WASF2: variants seen among roughly 807,000 people sequenced by gnomAD.
The protein encoded by WASF2 is actin-binding protein WASF2.
A neutral mutation model predicts 45.0 loss-of-function variants in WASF2; 14 were observed. The observed-to-expected ratio is 0.31, with a 90% CI of 0.21 to 0.49. The LOEUF (loss-of-function observed/expected upper bound fraction) is 0.49. WASF2 is among the 20% of genes least tolerant of loss of function. The pLI, the probability that WASF2 is intolerant of heterozygous loss-of-function variation, is 0.99. For synonymous variants in WASF2, 200 were observed against 236.3 expected (o/e 0.85, Z 1.41); for missense variants, 439 against 636.1 (o/e 0.69, Z 3.33).
rs1272744703 is a variant in WASF2, at chr1:27,490,139, C to T, written c.-197G>A. The stretch of plus-strand genomic sequence containing the variant: ...CCAGCCGCGCTCGCCCTGCCTGTGT[C>T]CGCCATTACGCGATTCCCCGCCCTG... On this transcript the variant is annotated 5_prime_UTR_variant, in exon 1 of 9. Coordinates refer to ENST00000618852, the MANE Select transcript of WASF2 (RefSeq NM_006990.5). The T allele has an allele frequency of 1.3e-5, 2 of 152,416 alleles. No homozygotes were observed. Among genetic ancestry groups the T allele is most frequent in the Non-Finnish European group, 2.9e-5 (2 of 68,158 alleles). The allele number at this position is 152,416 out of a possible 1,614,324, so 9.4% of individuals were successfully genotyped here. A position where few individuals can be genotyped will look rare whatever the true frequency, so the allele number is the denominator to read the frequency against.
chr1:27,418,893 G>GA (rs1419096330), intron 3 of WASF2, 61 bp downstream of exon 3: 7 of 1,545,764 alleles, frequency 4.5e-6, no homozygotes, highest in Non-Finnish European at 4.4e-6. Context: ...ATAAATCAGG[G>GA]AAAAAAAATT....
At chr1:27,473,843 G>A (rs1399609192) in intron 1 of WASF2, among the ~76,000 whole-genome samples, 4 of 152,310 alleles carry the variant, frequency 2.6e-5, no homozygotes, top group East Asian at 1.9e-4. Context: ...ATGGGTGGCC[G>A]GAGCCTGTCC....
At chr1:27,486,964 A>T (rs1184007911) in intron 1 of WASF2, among the ~76,000 whole-genome samples, 1 of 147,822 alleles carries the variant, frequency 6.8e-6, no homozygotes, top group Non-Finnish European at 1.5e-5. Flanking sequence ...ATTATAGATG[A>T]TATATATTAT....
At chr1:27,429,796 T>C (rs1371734506) in intron 1 of WASF2, among the ~76,000 whole-genome samples, 4 of 150,780 alleles carry the variant, frequency 2.7e-5, no homozygotes, top group Admixed American at 2.0e-4. Flanking sequence ...AAAAAAAGTA[T>C]AGCTAACTAC....
At chr1:27,487,496 ATAT>A (rs1480854738) in intron 1 of WASF2, among the ~76,000 whole-genome samples, 164 of 96,438 alleles carry the variant, frequency 1.7e-3, no homozygotes, top group Non-Finnish European at 2.2e-3. Context: ...ATATTATATA[ATAT>A]TATAATATAT....
At chr1:27,445,278 TCAGAA>T (rs2017296362) in intron 1 of WASF2, among the ~76,000 whole-genome samples, 1 of 152,154 alleles carries the variant, frequency 6.6e-6, no homozygotes, top group African/African-American at 2.4e-5. Context: ...ATTTTACAGA[TCAGAA>T]AACTAAAACC....
At chr1:27,412,047 T>C (rs754450864) in intron 7 of WASF2, among the ~76,000 whole-genome samples, 7 of 152,234 alleles carry the variant, frequency 4.6e-5, no homozygotes, top group Non-Finnish European at 1.0e-4. Context: ...TTGACCCCTC[T>C]GTGCCTCAGT....
intron 1 of WASF2, among the ~76,000 whole-genome samples, chr1:27,458,130 C>A (rs1390107456): frequency 6.6e-6 from 1 of 151,362 alleles, no homozygotes; most frequent in Non-Finnish European, 1.5e-5. Flanking sequence ...GGTAACACAG[C>A]GAAACTCTGT....
chr1:27,448,263 T>A (rs1268195418), intron 1 of WASF2, among the ~76,000 whole-genome samples: 1 of 152,228 alleles, frequency 6.6e-6, no homozygotes, highest in East Asian at 1.9e-4. Context: ...CATGGGGGCT[T>A]GACATTACTC....
At chr1:27,480,372 C>T (rs1426323326) in intron 1 of WASF2, among the ~76,000 whole-genome samples, 3 of 151,814 alleles carry the variant, frequency 2.0e-5, no homozygotes, top group Non-Finnish European at 4.4e-5. Context: ...CAAAAATTAG[C>T]CGAGTATGGT....
At chr1:27,468,874 G>T (rs931276547) in intron 1 of WASF2, among the ~76,000 whole-genome samples, 3 of 145,746 alleles carry the variant, frequency 2.1e-5, no homozygotes, top group Non-Finnish European at 4.5e-5. Context: ...AATGGGCTGA[G>T]ATCGCGCCAC....
At chr1:27,416,887 A>G (rs895741800) in intron 4 of WASF2, among the ~76,000 whole-genome samples, 7 of 152,228 alleles carry the variant, frequency 4.6e-5, no homozygotes, top group African/African-American at 1.7e-4. Context: ...AGGTCCTCTC[A>G]CTATCCAGAA....
In WASF2 at chr1:27,487,637, ATATATAT is replaced by A. The variant is rs1302766876; in HGVS notation, c.-44+2342_-44+2348del. Among the ~76,000 whole-genome samples, 6 of 80,854 alleles carry A rather than the reference ATATATAT, an allele frequency of 7.4e-5. No individual in the cohort carries two copies. In the South Asian group the frequency reaches 1.0e-3, roughly 13 times the overall value. The allele number at this position is 80,854 out of a possible 152,430, so 53.0% of individuals were successfully genotyped here. On this transcript the variant is annotated intron_variant, in intron 1 of 8. Coordinates refer to ENST00000618852, the MANE Select transcript of WASF2 (RefSeq NM_006990.5). The stretch of plus-strand genomic sequence containing the variant: ...TTATATATATTTTATACAATATATA[ATATATAT>A]TATATATTATATAATATATATTATA...
intron 1 of WASF2, among the ~76,000 whole-genome samples, chr1:27,454,173 ATATATATATATATATTTTT>A (rs1557612339): frequency 4.5e-3 from 281 of 62,276 alleles, no homozygotes; most frequent in African/African-American, 0.011. Flanking sequence ...ATATATATAT[ATATATATATATATATTTTT>A]TTTTTTTTTT....
chr1:27,484,729 G>A (rs888968109), intron 1 of WASF2, among the ~76,000 whole-genome samples: 2 of 149,322 alleles, frequency 1.3e-5, no homozygotes, highest in African/African-American at 2.5e-5. Flanking sequence ...GGAGAATGGC[G>A]TGAACTCGGG....
intron 1 of WASF2, among the ~76,000 whole-genome samples, chr1:27,449,614 T>C (rs1193844019): frequency 6.7e-6 from 1 of 150,112 alleles, no homozygotes; most frequent in African/African-American, 2.4e-5. Context: ...AAAAAAAAAG[T>C]TTATCAAATC....
intron 1 of WASF2, among the ~76,000 whole-genome samples, chr1:27,475,316 T>A (rs549866469): frequency 6.6e-6 from 1 of 152,112 alleles, no homozygotes; most frequent in Non-Finnish European, 1.5e-5. Context: ...CTCCTACCCA[T>A]CTCTCCAATC....
chr1:27,448,635 G>C (rs1000244309), intron 1 of WASF2, among the ~76,000 whole-genome samples: 10 of 151,968 alleles, frequency 6.6e-5, no homozygotes, highest in African/African-American at 2.4e-4. Flanking sequence ...TGGATCTCTT[G>C]AAGTCAGGAG....
chr1:27,425,164 C>G (rs1439964909), intron 2 of WASF2, among the ~76,000 whole-genome samples: 2 of 152,216 alleles, frequency 1.3e-5, no homozygotes, highest in Non-Finnish European at 2.9e-5. Context: ...TCATGGCTCA[C>G]TGCAGCCTTG....
Sources: allele counts gnomAD v4.1 joint callset (sites outside exome capture counted in the v4.1 genomes callset), GRCh38; gene constraint gnomAD v4.1.1; transcripts MANE v1.5; gene names NCBI Gene and HGNC (gene_info 2026-07-23, HGNC 2026-07-21).